Variants in KSR2 observed in about 807,000 individuals in gnomAD.
The protein encoded by KSR2 is kinase suppressor of ras 2.
In KSR2, 25 loss-of-function variants were observed where a neutral mutation model predicts 107.8. That is an observed-to-expected ratio of 0.23 (90% CI 0.17 to 0.32). The LOEUF (loss-of-function observed/expected upper bound fraction) is 0.32, where lower values mean the gene tolerates loss of function less well. Among genes scored for constraint, KSR2 ranks in the 10% least tolerant of loss-of-function variants. The pLI is 1.00. For synonymous variants in KSR2, 480 were observed against 507.0 expected (o/e 0.95, Z 0.71); for missense variants, 887 against 1,268.9 (o/e 0.70, Z 4.57).
chr12:117,768,145 C>T (rs370825714), intron 3 of KSR2, among the ~76,000 whole-genome samples: 1 of 152,162 alleles, frequency 6.6e-6, no homozygotes, highest in African/African-American at 2.4e-5. Context: ...CTGTAGGGGC[C>T]GATATTGCTG....
At chr12:117,669,760 C>G (rs1198069171) in intron 4 of KSR2, among the ~76,000 whole-genome samples, 2 of 151,956 alleles carry the variant, frequency 1.3e-5, no homozygotes, top group Non-Finnish European at 2.9e-5. Flanking sequence ...CCCAGCTACT[C>G]AGGAGGCTGA....
At chr12:117,733,303 T>C (rs1471968670) in intron 4 of KSR2, among the ~76,000 whole-genome samples, 1 of 152,138 alleles carries the variant, frequency 6.6e-6, no homozygotes, top group Non-Finnish European at 1.5e-5. Flanking sequence ...TCTTAGTTAA[T>C]ATTTTTCTTC....
chr12:117,804,036 A>C (rs1890927457), intron 3 of KSR2, among the ~76,000 whole-genome samples: 1 of 152,104 alleles, frequency 6.6e-6, no homozygotes, highest in Admixed American at 6.6e-5. Context: ...AGCCATATCC[A>C]TTCTTTTATT....
chr12:117,796,096 T>G (rs1325985644), intron 3 of KSR2, among the ~76,000 whole-genome samples: 9 of 71,598 alleles, frequency 1.3e-4, no homozygotes, highest in Non-Finnish European at 2.2e-4. Context: ...CTAGCTAATT[T>G]TTTAATTTTT....
chr12:117,740,634 T>A (rs983452871), intron 4 of KSR2, among the ~76,000 whole-genome samples: 1,583 of 136,646 alleles, frequency 0.012, 34 homozygotes, highest in African/African-American at 0.039. Flanking sequence ...ATATATGTAA[T>A]ATATACATAT....
intron 1 of KSR2, among the ~76,000 whole-genome samples, chr12:117,928,754 G>T (rs1007176323): frequency 2.0e-5 from 3 of 152,116 alleles, no homozygotes; most frequent in Non-Finnish European, 4.4e-5. Context: ...TATATTTAGT[G>T]GAAACCAATA....
At chr12:117,868,048 T>C (rs1303594215) in intron 1 of KSR2, among the ~76,000 whole-genome samples, 1 of 152,250 alleles carries the variant, frequency 6.6e-6, no homozygotes, top group Non-Finnish European at 1.5e-5. Context: ...TCTTGCATTA[T>C]AACTGACTGA....
At chr12:117,490,824 A>C (rs1251376461) in intron 14 of KSR2, among the ~76,000 whole-genome samples, 1 of 152,196 alleles carries the variant, frequency 6.6e-6, no homozygotes, top group South Asian at 2.1e-4. Flanking sequence ...AACGTGTAAA[A>C]ATTGTACATA....
At chr12:117,936,936 C>G (rs770490653) in intron 1 of KSR2, among the ~76,000 whole-genome samples, 4 of 152,172 alleles carry the variant, frequency 2.6e-5, no homozygotes, top group African/African-American at 9.7e-5. Flanking sequence ...GGAGACTAGA[C>G]AAACATGAGC....
intron 1 of KSR2, among the ~76,000 whole-genome samples, chr12:117,900,060 T>C (rs974859680): frequency 6.6e-6 from 1 of 152,238 alleles, no homozygotes; most frequent in East Asian, 1.9e-4. Context: ...ACTGTATCCT[T>C]GTGAGACACT....
intron 1 of KSR2, among the ~76,000 whole-genome samples, chr12:117,909,787 A>G (rs937970468): frequency 6.6e-6 from 1 of 151,938 alleles, no homozygotes; most frequent in Non-Finnish European, 1.5e-5. Flanking sequence ...GCATGCCTGT[A>G]GTCCCAGCTA....
chr12:117,783,291 T>G (rs116594256), intron 3 of KSR2, among the ~76,000 whole-genome samples: 1,652 of 152,228 alleles, frequency 0.011, 37 homozygotes, highest in African/African-American at 0.037. Context: ...CATAGTGGAA[T>G]AGGGGAGATA....
At chr12:117,859,654 G>A (rs569748398) in intron 2 of KSR2, among the ~76,000 whole-genome samples, 1 of 151,578 alleles carries the variant, frequency 6.6e-6, no homozygotes, top group Admixed American at 6.6e-5. Flanking sequence ...ATGGAGTTTC[G>A]CCATGTTGCC....
chr12:117,713,881 T>C (rs1364496546), intron 4 of KSR2, among the ~76,000 whole-genome samples: 1 of 152,192 alleles, frequency 6.6e-6, no homozygotes, highest in Non-Finnish European at 1.5e-5. Context: ...TCCAGCTCCC[T>C]GATGCCAGCA....
chr12:117,577,926 C>T (rs1879387179), intron 7 of KSR2, among the ~76,000 whole-genome samples: 1 of 152,164 alleles, frequency 6.6e-6, no homozygotes. Context: ...GTGACTTGCC[C>T]AAGGTCAGGC....
At chr12:117,828,712 C>A (rs929066525) in intron 3 of KSR2, among the ~76,000 whole-genome samples, 1 of 152,178 alleles carries the variant, frequency 6.6e-6, no homozygotes, top group African/African-American at 2.4e-5. Flanking sequence ...CAGCCCTGGC[C>A]CTAGGCTTCC....
intron 7 of KSR2, among the ~76,000 whole-genome samples, chr12:117,567,463 C>T (rs1052419509): frequency 1.3e-5 from 2 of 151,952 alleles, no homozygotes; most frequent in Admixed American, 6.6e-5. Context: ...AGTTGGATTT[C>T]GCCGAGAGCA....
chr12:117,933,789 A>G (rs563201035), intron 1 of KSR2, among the ~76,000 whole-genome samples: 1 of 152,254 alleles, frequency 6.6e-6, no homozygotes, highest in East Asian at 1.9e-4. Context: ...TGATCCTCCC[A>G]GTATCCTGTG....
rs539140708 is a variant in KSR2 at position 117,473,143 on chromosome 12, TA to T, written c.2583-1824del. Among the ~76,000 whole-genome samples the T allele has an allele frequency of 4.0e-4, 61 of 152,198 alleles. 1 individual carries two copies. In the South Asian group the frequency reaches 8.1e-3, roughly 20 times the overall value. On this transcript the variant is annotated intron_variant, in intron 17 of 19. Transcript: ENST00000339824. ...CCCTGCTCCTTCCCAAGAGCCACAA[TA>T]AAGGCTCTTCCCAACGTTTTCCTCA...
Sources: allele counts gnomAD v4.1 joint callset (sites outside exome capture counted in the v4.1 genomes callset), GRCh38; gene constraint gnomAD v4.1.1; transcripts MANE v1.5; gene names NCBI Gene and HGNC (gene_info 2026-07-23, HGNC 2026-07-21).